The following PCDH15 variants were observed in gnomAD, a reference collection of about 807,000 sequenced individuals.
PCDH15 encodes the protein protocadherin related 15, also known as protocadherin-15.
Under a neutral mutation model 178.5 loss-of-function variants are expected in PCDH15, and 129 were observed. That is an observed-to-expected ratio of 0.72 (90% confidence interval 0.63 to 0.84). PCDH15 has a LOEUF of 0.84. Ranked by LOEUF, PCDH15 falls within the 40% of genes least tolerant of loss-of-function variation. The probability of loss-of-function intolerance (pLI) is 0.00; values close to 1 mark genes in which losing one functional copy is unlikely to be tolerated. For missense variants in PCDH15, 2,230 were observed against 2,099.9 expected (o/e 1.06, Z -1.21); for synonymous variants, 800 against 732.0 (o/e 1.09, Z -1.50).
At chr10:54,649,664 TGTGA>T (rs2094210358) in intron 2 of PCDH15, among the ~76,000 whole-genome samples, 1 of 152,222 alleles carries the variant, frequency 6.6e-6, no homozygotes, top group East Asian at 1.9e-4. Context: ...TATGTGTGTG[TGTGA>T]GTAAATTTTT....
chr10:54,634,928 G>C (rs1369434455), intron 2 of PCDH15, among the ~76,000 whole-genome samples: 1 of 151,600 alleles, frequency 6.6e-6, no homozygotes, highest in African/African-American at 2.4e-5. Flanking sequence ...ATATTATAAA[G>C]GTGATTTTCT....
At chr10:55,518,504 AAC>A (rs1338470253) in intron 2 of PCDH15, among the ~76,000 whole-genome samples, 3 of 151,948 alleles carry the variant, frequency 2.0e-5, no homozygotes, top group African/African-American at 7.2e-5. Context: ...CAGAGAGTAA[AAC>A]ACAGATAAGA....
chr10:54,462,371 T>C (rs1276979812), intron 3 of PCDH15, among the ~76,000 whole-genome samples: 2 of 151,912 alleles, frequency 1.3e-5, no homozygotes, highest in East Asian at 3.9e-4. Context: ...ATTTGCTGCG[T>C]TTATTTTGCA....
intron 2 of PCDH15, among the ~76,000 whole-genome samples, chr10:55,526,962 G>A (rs565668750): frequency 2.0e-5 from 3 of 152,126 alleles, no homozygotes; most frequent in East Asian, 1.9e-4. Flanking sequence ...TCTATACACT[G>A]CCTAGCTGTT....
In PCDH15 at chr10:53,903,389, T is replaced by C. The variant is rs1459198722; in HGVS notation, c.3374-19A>G. ...GTATTGCCTGGAGGACAAGAAACGA[T>C]GCATTTTTTATTGGTGGTTATTCAT... On this transcript the variant is annotated intron_variant, in intron 25 of 37. Transcript: ENST00000644397. The C allele has an allele frequency of 1.2e-6, 2 of 1,611,264 alleles. No individual in the cohort carries two copies. Among genetic ancestry groups the C allele is most frequent in the Admixed American group, 3.3e-5 (2 of 59,956 alleles).
intron 2 of PCDH15, among the ~76,000 whole-genome samples, chr10:55,453,462 C>T (rs775698644): frequency 2.0e-5 from 3 of 152,118 alleles, no homozygotes; most frequent in Non-Finnish European, 4.4e-5. Context: ...TGGTAACCTC[C>T]TAGCTTGTTT....
chr10:55,332,368 T>C (rs1010450882), intron 2 of PCDH15, among the ~76,000 whole-genome samples: 1 of 152,158 alleles, frequency 6.6e-6, no homozygotes, highest in Admixed American at 6.6e-5. Context: ...CTTGATTTGA[T>C]TGTGAACTGG....
At chr10:55,325,757 AC>A (rs1365427428) in intron 2 of PCDH15, among the ~76,000 whole-genome samples, 3 of 152,002 alleles carry the variant, frequency 2.0e-5, no homozygotes, top group African/African-American at 7.2e-5. Flanking sequence ...AACAAAACAA[AC>A]AAACAACAAC....
intron 2 of PCDH15, among the ~76,000 whole-genome samples, chr10:54,949,225 A>G (rs1178531747): frequency 2.0e-5 from 3 of 152,044 alleles, no homozygotes; most frequent in South Asian, 4.1e-4. Flanking sequence ...TAATTGATAC[A>G]CAGCTCAGCA....
chr10:54,486,274 A>G (rs1224464138), intron 3 of PCDH15: 1 of 152,020 alleles, frequency 6.6e-6, no homozygotes, highest in Admixed American at 6.6e-5. Context: ...CAGAAGCACT[A>G]TGCTCCCAAG....
At chr10:54,708,938 G>C (rs2095397428) in intron 1 of PCDH15, among the ~76,000 whole-genome samples, 2 of 152,066 alleles carry the variant, frequency 1.3e-5, no homozygotes, top group Non-Finnish European at 2.9e-5. Flanking sequence ...GCAAACATTT[G>C]TTTTCATTAT....
chr10:53,975,249 T>C (rs1237476281), intron 21 of PCDH15, among the ~76,000 whole-genome samples: 1 of 152,204 alleles, frequency 6.6e-6, no homozygotes, highest in Admixed American at 6.5e-5. Context: ...AACATATAAG[T>C]GCATGTGACT....
At chr10:54,435,913 G>C (rs556545690) in intron 3 of PCDH15, among the ~76,000 whole-genome samples, 4 of 151,462 alleles carry the variant, frequency 2.6e-5, no homozygotes, top group Non-Finnish European at 4.4e-5. Flanking sequence ...GAGCTTGCAG[G>C]GAGCCGAGAT....
intron 1 of PCDH15, among the ~76,000 whole-genome samples, chr10:54,796,446 C>T (rs1952024694): frequency 6.8e-6 from 1 of 147,324 alleles, no homozygotes; most frequent in Admixed American, 7.2e-5. Context: ...TTCCCTATCT[C>T]TTTACATTTT....
intron 2 of PCDH15, among the ~76,000 whole-genome samples, chr10:54,972,789 C>T (rs1224011631): frequency 7.5e-6 from 1 of 133,144 alleles, no homozygotes; most frequent in Non-Finnish European, 1.5e-5. Context: ...ACGGAGGTTG[C>T]AGTGAGCTGA....
chr10:54,030,163 G>A (rs1354375207), intron 18 of PCDH15, among the ~76,000 whole-genome samples: 2 of 152,022 alleles, frequency 1.3e-5, no homozygotes, highest in Non-Finnish European at 2.9e-5. Flanking sequence ...AATTGGCCCA[G>A]TGTGAAGCTG....
intron 21 of PCDH15, among the ~76,000 whole-genome samples, chr10:53,980,840 G>T (rs1376697238): frequency 1.3e-5 from 2 of 152,116 alleles, no homozygotes; most frequent in East Asian, 3.9e-4. Flanking sequence ...CATGATTTAT[G>T]ACATCTATTA....
At chr10:55,028,669 G>C (rs1840534563) in intron 2 of PCDH15, among the ~76,000 whole-genome samples, 1 of 151,838 alleles carries the variant, frequency 6.6e-6, no homozygotes, top group Non-Finnish European at 1.5e-5. Flanking sequence ...GAGCATAAAA[G>C]GAATTGACAA....
Position 55,345,494 on chromosome 10 carries a change from G to C in PCDH15, c.-155-178843C>G, listed in dbSNP as rs1181959617. ...AGCCCTAAGCCAGAGTTGAACTATG[G>C]CAATTCCTCCACCCTCTTGTCGGTC... On this transcript the variant is annotated intron_variant, in intron 2 of 5. Coordinates refer to the PCDH15 transcript ENST00000613346. 2.6e-5 allele frequency among the ~76,000 whole-genome samples: 4 copies of C among 151,930 alleles called. No homozygotes were observed. In the East Asian group the frequency reaches 7.7e-4, roughly 29 times the overall value.
Sources: allele counts gnomAD v4.1 joint callset (sites outside exome capture counted in the v4.1 genomes callset), GRCh38; gene constraint gnomAD v4.1.1; transcripts MANE v1.5; gene names NCBI Gene and HGNC (gene_info 2026-07-23, HGNC 2026-07-21).